Variants in SIL1 observed in about 807,000 individuals in gnomAD.
The protein encoded by SIL1 is nucleotide exchange factor SIL1.
A neutral mutation model predicts 49.1 loss-of-function variants in SIL1; 40 were observed. That is an observed-to-expected ratio of 0.81 (90% confidence interval 0.63 to 1.06). The LOEUF (loss-of-function observed/expected upper bound fraction) is 1.06. Ranked by LOEUF, SIL1 falls within the 50% of genes least tolerant of loss-of-function variation. SIL1 has a pLI of 0.00. For synonymous variants in SIL1, 253 were observed against 250.8 expected, an observed-to-expected ratio of 1.01 and a Z score of -0.08; for missense variants, 500 against 572.6, an observed-to-expected ratio of 0.87 and a Z score of 1.29.
At chr5:139,173,273 G>A (rs562602567) in intron 1 of SIL1, among the ~76,000 whole-genome samples, 15 of 152,278 alleles carry the variant, frequency 9.9e-5, no homozygotes, top group Non-Finnish European at 2.1e-4. Flanking sequence ...AATGAGGGCC[G>A]GGTGTAGTGG....
intron 7 of SIL1, among the ~76,000 whole-genome samples, chr5:138,965,954 A>G (rs1767129550): frequency 6.6e-6 from 1 of 151,992 alleles, no homozygotes; most frequent in Non-Finnish European, 1.5e-5. Context: ...GTCCCAGTGC[A>G]GTAATTAACT....
intron 2 of SIL1, among the ~76,000 whole-genome samples, chr5:139,124,964 T>C (rs1402485068): frequency 6.6e-6 from 1 of 152,260 alleles, no homozygotes; most frequent in Non-Finnish European, 1.5e-5. Flanking sequence ...TGATTCTTTC[T>C]TGGTCAGATG....
At chr5:138,997,525 G>GT (rs1366729026) in intron 7 of SIL1, among the ~76,000 whole-genome samples, 1 of 152,090 alleles carries the variant, frequency 6.6e-6, no homozygotes, top group Non-Finnish European at 1.5e-5. Flanking sequence ...TGTTTGTTTT[G>GT]TTTTTTACCA....
intron 4 of SIL1, among the ~76,000 whole-genome samples, chr5:139,043,862 T>G (rs930886728): frequency 6.6e-6 from 1 of 152,228 alleles, no homozygotes; most frequent in Non-Finnish European, 1.5e-5. Flanking sequence ...TTAACAAGAC[T>G]GTCAGGTTGG....
intron 3 of SIL1, among the ~76,000 whole-genome samples, chr5:139,118,155 G>T (rs147852855): frequency 9.2e-5 from 14 of 152,136 alleles, no homozygotes; most frequent in Non-Finnish European, 2.9e-5. Flanking sequence ...CCTTTTGCTC[G>T]TGCTTACCCT....
chr5:139,175,096 T>C lies in SIL1; in HGVS notation c.-11+23173A>G, dbSNP rs189219476. Among the ~76,000 whole-genome samples the C allele has an allele frequency of 2.7e-3, 411 of 149,932 alleles. 4 individuals carry two copies. Among genetic ancestry groups the C allele is most frequent in the African/African-American group, 8.7e-3 (355 of 40,806 alleles). On this transcript the variant is annotated intron_variant, in intron 1 of 9. Coordinates refer to ENST00000394817, the MANE Select transcript of SIL1 (RefSeq NM_022464.5). ...CAGAACTTTGGGAGGCCAAGGCAGGTGGATCACCTGAGGTCAGGAGTTGGA... is the reference window on the plus strand; with the variant it reads ...CAGAACTTTGGGAGGCCAAGGCAGGCGGATCACCTGAGGTCAGGAGTTGGA...
chr5:138,959,836 A>C (rs1333932780), intron 7 of SIL1, among the ~76,000 whole-genome samples: 2 of 152,202 alleles, frequency 1.3e-5, no homozygotes, highest in African/African-American at 2.4e-5. Flanking sequence ...CTAATGCCTC[A>C]ATCTCTAGAT....
rs6596461 is a variant in SIL1, at chr5:139,090,642, C to T, written c.244+30393G>A. 3.2e-3 allele frequency among the ~76,000 whole-genome samples: 483 copies of T among 152,224 alleles called. 2 individuals carry two copies. Among genetic ancestry groups the T allele is most frequent in the African/African-American group, 0.011 (450 of 41,522 alleles). On this transcript the variant is annotated intron_variant, in intron 3 of 9. Coordinates refer to ENST00000394817, the MANE Select transcript of SIL1 (RefSeq NM_022464.5). Reference sequence around the variant, plus strand: ...GCACTTTCTTTTTTAGACAGGGTCTCGCTCTGTCGGCCAGGCTGGAGTGCA... The same window carrying T: ...GCACTTTCTTTTTTAGACAGGGTCTTGCTCTGTCGGCCAGGCTGGAGTGCA...
At chr5:139,054,838 T>C (rs1052925368) in intron 3 of SIL1, among the ~76,000 whole-genome samples, 3 of 152,148 alleles carry the variant, frequency 2.0e-5, no homozygotes, top group Admixed American at 2.0e-4. Flanking sequence ...ACAGGTTGTG[T>C]TCATTTAAAA....
intron 1 of SIL1, among the ~76,000 whole-genome samples, chr5:139,143,330 C>CATATATATATATATAT (rs1213045532): frequency 3.1e-5 from 3 of 95,900 alleles, no homozygotes; most frequent in African/African-American, 1.1e-4. Context: ...CACACACACA[C>CATATATATATATATAT]ACACACACAC....
chr5:139,040,212 T>A (rs1395946595), intron 5 of SIL1, among the ~76,000 whole-genome samples: 2 of 152,180 alleles, frequency 1.3e-5, no homozygotes, highest in Non-Finnish European at 2.9e-5. Context: ...CAATTTCAAA[T>A]CCATTTATTT....
At chr5:139,134,288 T>A (rs561685318) in intron 1 of SIL1, among the ~76,000 whole-genome samples, 94 of 152,164 alleles carry the variant, frequency 6.2e-4, no homozygotes, top group Non-Finnish European at 1.2e-3. Context: ...TGTGCCACCA[T>A]ACCTGGCTTT....
intron 1 of SIL1, among the ~76,000 whole-genome samples, chr5:139,158,482 G>A (rs1004784470): frequency 1.3e-5 from 2 of 152,176 alleles, no homozygotes; most frequent in African/African-American, 4.8e-5. Flanking sequence ...ATGACAGCAA[G>A]CTTACCCCTT....
chr5:139,183,777 T>C (rs1752032917), intron 1 of SIL1, among the ~76,000 whole-genome samples: 1 of 152,186 alleles, frequency 6.6e-6, no homozygotes, highest in African/African-American at 2.4e-5. Flanking sequence ...ATGCCCTACA[T>C]GCCAAGCCAC....
At chr5:139,164,676 A>G (rs1751581648) in intron 1 of SIL1, among the ~76,000 whole-genome samples, 1 of 152,168 alleles carries the variant, frequency 6.6e-6, no homozygotes, top group South Asian at 2.1e-4. Flanking sequence ...ATCAGTACAC[A>G]CTTATTCAGA....
intron 7 of SIL1, among the ~76,000 whole-genome samples, chr5:138,955,847 G>A (rs1022804108): frequency 3.3e-5 from 5 of 152,252 alleles, no homozygotes; most frequent in African/African-American, 1.2e-4. Context: ...GTATGTGCAC[G>A]GAAATCCTGC....
Position 138,985,541 on chromosome 5 carries a change from G to C in SIL1, c.768-33657C>G, listed in dbSNP as rs371222803. ...ATGGGCCTAACCCAGCACGCTGCCAGGGACTTGGCATGGGTATACAATTCA... is the reference window on the plus strand; with the variant it reads ...ATGGGCCTAACCCAGCACGCTGCCACGGACTTGGCATGGGTATACAATTCA... On this transcript the variant is annotated intron_variant, in intron 7 of 9. Transcript: ENST00000394817. Among the ~76,000 whole-genome samples the C allele has an allele frequency of 4.6e-5, 7 of 152,290 alleles. No individual in the cohort carries two copies. The East Asian group carries it at 1.2e-3, about 25-fold the overall frequency.
At chr5:139,049,296 C>G (rs1021715707) in intron 4 of SIL1, among the ~76,000 whole-genome samples, 8 of 152,214 alleles carry the variant, frequency 5.3e-5, no homozygotes, top group Non-Finnish European at 1.2e-4. Flanking sequence ...CCTCAGCCTT[C>G]TGAGTATCTG....
chr5:139,152,879 C>T (rs1290752650), intron 1 of SIL1, among the ~76,000 whole-genome samples: 4 of 152,130 alleles, frequency 2.6e-5, no homozygotes, highest in African/African-American at 4.8e-5. Flanking sequence ...AGTGCAATGG[C>T]GCGATCTCAG....
Sources: allele counts gnomAD v4.1 joint callset (sites outside exome capture counted in the v4.1 genomes callset), GRCh38; gene constraint gnomAD v4.1.1; transcripts MANE v1.5; gene names NCBI Gene and HGNC (gene_info 2026-07-23, HGNC 2026-07-21).